LNX2: variants seen among roughly 807,000 people sequenced by gnomAD.
The protein encoded by LNX2 is ligand of Numb protein X 2.
LNX2 carries 35 observed loss-of-function variants against 66.2 expected under a neutral mutation model. The observed-to-expected ratio is 0.53, with a 90% CI of 0.40 to 0.70. The LOEUF (loss-of-function observed/expected upper bound fraction) is 0.70. Ranked by LOEUF, LNX2 falls within the 30% of genes least tolerant of loss-of-function variation. LNX2 has a pLI of 0.00. For synonymous variants in LNX2, 337 were observed against 315.6 expected (o/e 1.07, Z -0.72); for missense variants, 791 against 850.8 (o/e 0.93, Z 0.87).
rs376754459 is a variant in LNX2 at position 27,569,013 on chromosome 13, G to A, written c.655+16C>T. The A allele has an allele frequency of 7.5e-6, 12 of 1,603,454 alleles. No homozygotes were observed. In the African/African-American group the frequency reaches 1.5e-4, roughly 20 times the overall value. On this transcript the variant is annotated intron_variant, in intron 3 of 9. Transcript: ENST00000316334. ...GAAATAGAGATGAAATACACAAGGA[G>A]TTGCACCACACATACTGTCAGCTCC...
intron 1 of LNX2, among the ~76,000 whole-genome samples, chr13:27,596,220 G>A (rs1955597871): frequency 6.6e-6 from 1 of 152,034 alleles, no homozygotes; most frequent in Non-Finnish European, 1.5e-5. Context: ...TTAAGAAAAA[G>A]TTAGGTATGT....
chr13:27,548,566 T>C (rs1451259231), intron 9 of LNX2, 96 bp from the exon 10 acceptor site: 1 of 1,287,848 alleles, frequency 7.8e-7, no homozygotes, highest in African/African-American at 1.5e-5. Flanking sequence ...GCGGTTTCAC[T>C]TACCACTGAA....
Position 27,577,525 on chromosome 13 carries a change from T to C in LNX2, c.407+3772A>G, listed in dbSNP as rs541031785. 2.6e-5 allele frequency among the ~76,000 whole-genome samples: 4 copies of C among 152,088 alleles called. No homozygotes were observed. The South Asian group carries it at 8.3e-4, about 32-fold the overall frequency. On this transcript the variant is annotated intron_variant, in intron 2 of 9. Coordinates refer to ENST00000316334, the MANE Select transcript of LNX2 (RefSeq NM_153371.4). The stretch of plus-strand genomic sequence containing the variant: ...GTCTTGGTCCACACATAAAATACAC[T>C]AACATCAATGATAGCTGATAAGCTT...
chr13:27,595,743 ATCTC>A (rs564045856), intron 1 of LNX2, among the ~76,000 whole-genome samples: 6 of 151,808 alleles, frequency 4.0e-5, no homozygotes, highest in Non-Finnish European at 5.9e-5. Context: ...AACCATTCAA[ATCTC>A]TCTGTTTCCA....
intron 1 of LNX2, among the ~76,000 whole-genome samples, chr13:27,603,968 A>G (rs1036808403): frequency 6.6e-6 from 1 of 151,994 alleles, no homozygotes; most frequent in African/African-American, 2.4e-5. Context: ...AAAAAAAAAA[A>G]AAAAGGCCGG....
chr13:27,573,302 T>C (rs1593247497), intron 2 of LNX2, among the ~76,000 whole-genome samples: 1 of 152,116 alleles, frequency 6.6e-6, no homozygotes. Flanking sequence ...GGTTCCCCTC[T>C]TGTGTGCTTG....
chr13:27,569,197 T>C lies in LNX2; in HGVS notation c.487A>G (p.Asn163Asp). Residue 163 changes from asparagine (N) to aspartate (D), a missense_variant, in exon 3 of 10, where the codon AAT becomes GAT. Transcript: ENST00000316334. ...SRTQAEIENE[N>D]GPTLLDPAGT... ...GCAGGATCTAGTAGAGTGGGCCCATTTTCATTCTCAATCTCTGCTTGAGTT... is the reference window on the plus strand; with the variant it reads ...GCAGGATCTAGTAGAGTGGGCCCATCTTCATTCTCAATCTCTGCTTGAGTT... 1.2e-6 allele frequency: 2 copies of C among 1,612,936 alleles called. No homozygotes were observed. The highest frequency in any genetic ancestry group is 1.7e-6 in the Non-Finnish European group (2 of 1,179,516).
chr13:27,597,017 G>A (rs1955605453), intron 1 of LNX2, among the ~76,000 whole-genome samples: 1 of 152,192 alleles, frequency 6.6e-6, no homozygotes, highest in Admixed American at 6.5e-5. Context: ...TAGCCTCCCT[G>A]TTTTCTCTAG....
chr13:27,606,485 T>A (rs188829696), intron 1 of LNX2, among the ~76,000 whole-genome samples: 1 of 151,436 alleles, frequency 6.6e-6, no homozygotes, highest in African/African-American at 2.4e-5. Flanking sequence ...TAAGGTTACA[T>A]TAATTAAGGT....
At chr13:27,566,725 T>C (rs1955210445) in intron 4 of LNX2, among the ~76,000 whole-genome samples, 2 of 152,226 alleles carry the variant, frequency 1.3e-5, no homozygotes, top group East Asian at 1.9e-4. Flanking sequence ...AGGGGGTAGA[T>C]ATCAACAGGT....
Position 27,550,489 on chromosome 13 carries a change from G to A in LNX2, c.1781C>T (p.Thr594Ile), listed in dbSNP as rs757101209. 1.9e-6 allele frequency: 3 copies of A among 1,610,604 alleles called. No homozygotes were observed. Among genetic ancestry groups the A allele is most frequent in the East Asian group, 2.2e-5 (1 of 44,826 alleles). Residue 594 changes from threonine to isoleucine, a missense_variant and splice_region_variant, in exon 9 of 10, where the codon ACA (threonine) becomes ATA (isoleucine). By Grantham distance (89) the Thr-to-Ile change is moderately conservative. Transcript: ENST00000316334. ...SWVMWLGLPS[T>I]LHSCHDIVLR... ...AACTATATCGTGGCAGCTATGAAGT[G>A]TGCTATAAACAAACAGAAAAATAAA...
At chr13:27,604,238 T>G (rs1266545290) in intron 1 of LNX2, among the ~76,000 whole-genome samples, 2 of 152,164 alleles carry the variant, frequency 1.3e-5, no homozygotes, top group African/African-American at 4.8e-5. Flanking sequence ...AGAGCGAGAC[T>G]CCGTCTCAAA....
At chr13:27,569,678 T>C (rs1023441970) in intron 2 of LNX2, among the ~76,000 whole-genome samples, 1 of 152,176 alleles carries the variant, frequency 6.6e-6, no homozygotes, top group African/African-American at 2.4e-5. Context: ...CCACAAGTGG[T>C]TGCGTCCTGA....
At chr13:27,599,220 A>C (rs79593121) in intron 1 of LNX2, among the ~76,000 whole-genome samples, 1 of 152,316 alleles carries the variant, frequency 6.6e-6, no homozygotes, top group African/African-American at 2.4e-5. Flanking sequence ...GGGGCACAAA[A>C]TTTGTACAGT....
chr13:27,577,537 T>C (rs1489823855), intron 2 of LNX2, among the ~76,000 whole-genome samples: 1 of 152,072 alleles, frequency 6.6e-6, no homozygotes, highest in Non-Finnish European at 1.5e-5. Context: ...ACATCAATGA[T>C]AGCTGATAAG....
At chr13:27,586,167 A>T (rs1448345166) in intron 1 of LNX2, among the ~76,000 whole-genome samples, 1 of 151,726 alleles carries the variant, frequency 6.6e-6, no homozygotes, top group Non-Finnish European at 1.5e-5. Flanking sequence ...GGCAAATCAT[A>T]GGTGCAATGT....
intron 1 of LNX2, among the ~76,000 whole-genome samples, chr13:27,592,836 C>A (rs897255878): frequency 3.9e-5 from 6 of 152,072 alleles, no homozygotes; most frequent in Non-Finnish European, 8.8e-5. Context: ...TGTGTCAAAT[C>A]CTGTAAGCAA....
intron 1 of LNX2, among the ~76,000 whole-genome samples, chr13:27,600,989 T>C (rs982903958): frequency 6.6e-6 from 1 of 152,224 alleles, no homozygotes; most frequent in Admixed American, 6.5e-5. Context: ...CCATATTACT[T>C]GACTGCTTCA....
At chr13:27,596,447 G>A (rs937397254) in intron 1 of LNX2, among the ~76,000 whole-genome samples, 6 of 152,144 alleles carry the variant, frequency 3.9e-5, no homozygotes, top group East Asian at 1.9e-4. Context: ...CCAAATCACC[G>A]TTATTTCTAA....
Sources: gnomAD v4.1 joint callset for allele counts (sites outside exome capture counted in the v4.1 genomes callset) on GRCh38, gnomAD v4.1.1 for gene constraint, MANE v1.5 for transcripts, NCBI Gene and HGNC (gene_info 2026-07-23, HGNC 2026-07-21) for gene names.